Variants in ANKRD26 observed in about 807,000 individuals in gnomAD.
The protein encoded by ANKRD26 is ankyrin repeat domain 26.
Under a neutral mutation model 208.7 loss-of-function variants are expected in ANKRD26, and 141 were observed. That is an observed-to-expected ratio of 0.68 (90% CI 0.59 to 0.78). ANKRD26 has a LOEUF of 0.78. Among genes scored for constraint, ANKRD26 ranks in the 30% least tolerant of loss-of-function variants. ANKRD26 has a pLI of 0.00. For missense variants in ANKRD26, 1,889 were observed against 1,938.7 expected, an observed-to-expected ratio of 0.97 and a Z score of 0.48; for synonymous variants, 636 against 660.4, an observed-to-expected ratio of 0.96 and a Z score of 0.57.
intron 4 of ANKRD26, among the ~76,000 whole-genome samples, chr10:27,087,656 A>G (rs1403801420): frequency 6.6e-6 from 1 of 152,174 alleles, no homozygotes; most frequent in Non-Finnish European, 1.5e-5. Flanking sequence ...GCAGAAAACT[A>G]ACAGATGTTA....
intron 22 of ANKRD26, 64 bp from the exon 23 acceptor site, chr10:27,037,387 C>A: frequency 6.4e-7 from 1 of 1,557,256 alleles, no homozygotes; most frequent in South Asian, 1.2e-5. Context: ...TTAACAAGAG[C>A]AGAATTTTAA....
chr10:27,097,735 C>T (rs980127295), intron 1 of ANKRD26, among the ~76,000 whole-genome samples: 3 of 152,054 alleles, frequency 2.0e-5, no homozygotes, highest in African/African-American at 4.8e-5. Flanking sequence ...CTGTACCCTC[C>T]GCCTCCCAGG....
At chr10:27,024,003 C>CACACACAT (rs1223818537) in intron 28 of ANKRD26, among the ~76,000 whole-genome samples, 1 of 151,794 alleles carries the variant, frequency 6.6e-6, no homozygotes, top group Admixed American at 6.6e-5. Context: ...CACACACACA[C>CACACACAT]ACACAAAGAG....
chr10:27,059,604 C>T (rs1202938324), intron 15 of ANKRD26, among the ~76,000 whole-genome samples: 1 of 152,068 alleles, frequency 6.6e-6, no homozygotes, highest in Admixed American at 6.6e-5. Flanking sequence ...CTATGTCTAC[C>T]AAATAGTAAT....
Position 27,053,366 on chromosome 10 carries a change from G to A in ANKRD26, c.1589C>T (p.Ser530Leu), listed in dbSNP as rs573351598. The A allele has an allele frequency of 3.7e-5, 60 of 1,611,152 alleles. No individual in the cohort carries two copies. Among genetic ancestry groups the A allele is most frequent in the Admixed American group, 2.2e-4 (13 of 59,998 alleles). ...CCCTTCCCTTTCTTGCTCTTCTTCT[G>A]ATGCTACTTCTAAGTCATGTTCAGC... is the stretch of plus-strand genomic sequence containing the variant. ...KAAEHDLEVASEEEQEREGSE... is the reference protein window; with the variant it reads ...KAAEHDLEVALEEEQEREGSE... The change falls in exon 16 of 34, where the codon TCA becomes TTA. Residue 530 changes from serine to leucine, a missense_variant. Transcript: ENST00000376087.
intron 18 of ANKRD26, 33 bp downstream of exon 18, chr10:27,046,320 T>C (rs764468177): frequency 6.2e-7 from 1 of 1,607,414 alleles, no homozygotes; most frequent in Non-Finnish European, 8.5e-7. Context: ...CTAACCTTCC[T>C]CCATAGAAAA....
intron 7 of ANKRD26, among the ~76,000 whole-genome samples, chr10:27,078,471 C>T (rs1270527323): frequency 6.6e-6 from 1 of 151,716 alleles, no homozygotes; most frequent in Non-Finnish European, 1.5e-5. Context: ...CATGACCATT[C>T]GAGTGTGAGC....
At chr10:27,054,744 A>G (rs1431287821) in intron 15 of ANKRD26, among the ~76,000 whole-genome samples, 2 of 152,192 alleles carry the variant, frequency 1.3e-5, no homozygotes, top group Non-Finnish European at 2.9e-5. Flanking sequence ...ATAGCGTTAT[A>G]TATTTGTCTA....
chr10:27,037,890 A>G lies in ANKRD26; in HGVS notation c.2540T>C (p.Val847Ala). The change falls in exon 22 of 34, where the codon GTA (valine) becomes GCA (alanine). Residue 847 changes from valine to alanine, a missense_variant. Physicochemically the swap from Val to Ala is moderately conservative, Grantham distance 64 (BLOSUM62 0). Transcript: ENST00000376087. Reference protein sequence around the residue: ...LQTLEMELRTVKSNLNQVVQE... With the variant: ...LQTLEMELRTAKSNLNQVVQE... ...ATTTACCTGATTCAAATTACTTTTT[A>G]CAGTCCTCAATTCCATCTCCAGTGT... 6.2e-7 allele frequency: 1 copy of G among 1,610,446 alleles called. No individual in the cohort carries two copies. The highest frequency in any genetic ancestry group is 1.1e-5 in the South Asian group (1 of 90,076).
the ANKRD26 span, among the ~76,000 whole-genome samples, chr10:26,968,160 A>C: frequency 6.6e-6 from 1 of 152,084 alleles, no homozygotes; most frequent in African/African-American, 2.4e-5. Flanking sequence ...TGTTTCCTCA[A>C]GAGATATTGT....
At chr10:26,954,228 G>A in the ANKRD26 span, among the ~76,000 whole-genome samples, 1 of 152,142 alleles carries the variant, frequency 6.6e-6, no homozygotes, top group African/African-American at 2.4e-5. Flanking sequence ...GAAAATTGCT[G>A]TTGTAACTGA....
At chr10:26,953,738 G>A in the ANKRD26 span, among the ~76,000 whole-genome samples, 2 of 152,180 alleles carry the variant, frequency 1.3e-5, no homozygotes, top group South Asian at 4.1e-4. Context: ...TATGCTTTTG[G>A]AATTTTCTCT....
intron 9 of ANKRD26, 95 bp from the exon 10 acceptor site, chr10:27,067,381 T>G: frequency 7.2e-7 from 1 of 1,396,876 alleles, no homozygotes; most frequent in African/African-American, 1.5e-5. Flanking sequence ...GTACTTGCAC[T>G]ACCATAAAGA....
chr10:26,973,666 T>TTTTC (rs2052182331), downstream of ANKRD26, among the ~76,000 whole-genome samples: 1 of 143,946 alleles, frequency 6.9e-6, no homozygotes, highest in Non-Finnish European at 1.5e-5. Flanking sequence ...TTTTTTTTTT[T>TTTTC]TTTGTGAGGC....
intron 32 of ANKRD26, among the ~76,000 whole-genome samples, chr10:27,008,130 G>T (rs2052956407): frequency 6.6e-6 from 1 of 151,902 alleles, no homozygotes; most frequent in Admixed American, 6.6e-5. Flanking sequence ...TTTATAAAAG[G>T]TATTCTCTCA....
chr10:27,034,678 T>G, intron 24 of ANKRD26, 118 bp downstream of exon 24: 1 of 650,798 alleles, frequency 1.5e-6, no homozygotes, highest in South Asian at 2.5e-5. Context: ...GGGATGTTTC[T>G]AAACTGATAG....
At chr10:27,039,194 C>A (rs975869392) in intron 21 of ANKRD26, among the ~76,000 whole-genome samples, 1 of 152,062 alleles carries the variant, frequency 6.6e-6, no homozygotes, top group Non-Finnish European at 1.5e-5. Flanking sequence ...TGGCTCATGC[C>A]TGTAATCACA....
downstream of ANKRD26, among the ~76,000 whole-genome samples, chr10:26,988,094 G>C (rs149710129): frequency 1.5e-3 from 225 of 152,230 alleles, no homozygotes; most frequent in African/African-American, 5.1e-3. Flanking sequence ...TGTCCCTCTG[G>C]AGTAAACATG....
Position 27,004,911 on chromosome 10 carries a change from T to C in ANKRD26, c.*679A>G, listed in dbSNP as rs928699553. ...GATTGCAAGGTTTGCACTGTAGTTA[T>C]GTAGAATGTCCTGACTTGTAGGAAT... On this transcript the variant is annotated 3_prime_UTR_variant, in exon 34 of 34. Transcript: ENST00000376087. 4 of 401,184 alleles carry C rather than the reference T, an allele frequency of 1.0e-5. No homozygotes were observed. The highest frequency in any genetic ancestry group is 2.1e-4 in the South Asian group (2 of 9,560). 24.9% of individuals were successfully genotyped at this position (401,184 alleles called of 1,614,324 possible). A position where few individuals can be genotyped will look rare whatever the true frequency, so the allele number is the denominator to read the frequency against.
Sources: allele counts gnomAD v4.1 joint callset (sites outside exome capture counted in the v4.1 genomes callset), GRCh38; gene constraint gnomAD v4.1.1; transcripts MANE v1.5; gene names NCBI Gene and HGNC (gene_info 2026-07-23, HGNC 2026-07-21).